Variants in DLGAP1 observed in about 807,000 individuals in gnomAD.
The protein encoded by DLGAP1 is DLG associated protein 1, also known as disks large-associated protein 1.
In DLGAP1, 11 loss-of-function variants were observed where a neutral mutation model predicts 90.8. The observed-to-expected ratio is 0.12, with a 90% CI of 0.08 to 0.20. The LOEUF (loss-of-function observed/expected upper bound fraction) is 0.20, where lower values mean the gene tolerates loss of function less well. Ranked by LOEUF, DLGAP1 falls within the 10% of genes least tolerant of loss-of-function variation. The probability of loss-of-function intolerance (pLI) is 1.00; values close to 1 mark genes in which losing one functional copy is unlikely to be tolerated. For synonymous variants in DLGAP1, 558 were observed against 540.7 expected, an observed-to-expected ratio of 1.03 and a Z score of -0.44; for missense variants, 1,050 against 1,333.8, an observed-to-expected ratio of 0.79 and a Z score of 3.31.
chr18:4,413,878 C>A (rs3850789), intron 1 of DLGAP1, among the ~76,000 whole-genome samples: 46,009 of 151,976 alleles, frequency 0.3, 7,247 homozygotes, highest in East Asian at 0.36. Context: ...TTTATATACT[C>A]TATACTTCAA....
intron 1 of DLGAP1, among the ~76,000 whole-genome samples, chr18:4,250,096 G>A (rs2078749555): frequency 6.6e-6 from 1 of 152,174 alleles, no homozygotes; most frequent in Non-Finnish European, 1.5e-5. Flanking sequence ...AGCAGATGCT[G>A]GAAGTTTGTT....
chr18:4,308,546 C>G (rs2080320205), intron 1 of DLGAP1, among the ~76,000 whole-genome samples: 1 of 152,168 alleles, frequency 6.6e-6, no homozygotes, highest in Non-Finnish European at 1.5e-5. Context: ...ATACGTATAA[C>G]TTTAAACATC....
chr18:4,288,643 C>G (rs2079766191), intron 1 of DLGAP1, among the ~76,000 whole-genome samples: 2 of 151,992 alleles, frequency 1.3e-5, no homozygotes, highest in African/African-American at 2.4e-5. Context: ...TGTTGCACAG[C>G]TCTCGCAGGG....
intron 3 of DLGAP1, among the ~76,000 whole-genome samples, chr18:3,912,450 G>C (rs1175681492): frequency 6.6e-6 from 1 of 152,178 alleles, no homozygotes; most frequent in Non-Finnish European, 1.5e-5. Flanking sequence ...AGCCTATTAT[G>C]AGATGGGAAC....
chr18:4,038,887 T>A (rs2074931182), intron 2 of DLGAP1, among the ~76,000 whole-genome samples: 1 of 152,086 alleles, frequency 6.6e-6, no homozygotes, highest in Non-Finnish European at 1.5e-5. Context: ...CTTAAAACCT[T>A]ACACATTTAT....
At chr18:4,395,891 G>C (rs939128311) in intron 1 of DLGAP1, among the ~76,000 whole-genome samples, 1 of 152,058 alleles carries the variant, frequency 6.6e-6, no homozygotes, top group Non-Finnish European at 1.5e-5. Flanking sequence ...CCACGATAAA[G>C]ACAAATTCAA....
At chr18:3,921,969 G>T (rs903651376) in intron 3 of DLGAP1, among the ~76,000 whole-genome samples, 1 of 152,088 alleles carries the variant, frequency 6.6e-6, no homozygotes, top group African/African-American at 2.4e-5. Flanking sequence ...GAAAATTATA[G>T]CATGAGAGCA....
At chr18:3,556,205 C>T (rs2053739902) in intron 9 of DLGAP1, among the ~76,000 whole-genome samples, 1 of 152,102 alleles carries the variant, frequency 6.6e-6, no homozygotes, top group African/African-American at 2.4e-5. Context: ...TCCCATACAC[C>T]CCTTCCCCCG....
At chr18:3,943,164 T>C (rs987662581) in intron 3 of DLGAP1, among the ~76,000 whole-genome samples, 1 of 152,182 alleles carries the variant, frequency 6.6e-6, no homozygotes, top group African/African-American at 2.4e-5. Flanking sequence ...TATCTTCAAC[T>C]TCACCTGCTC....
intron 6 of DLGAP1, among the ~76,000 whole-genome samples, chr18:3,741,200 A>C (rs1303044064): frequency 7.3e-4 from 31 of 42,424 alleles, no homozygotes; most frequent in East Asian, 1.6e-3. Context: ...ACCACCACCA[A>C]ATCACCACCA....
intron 7 of DLGAP1, among the ~76,000 whole-genome samples, chr18:3,701,517 T>C (rs2061279401): frequency 6.6e-6 from 1 of 152,220 alleles, no homozygotes; most frequent in South Asian, 2.1e-4. Flanking sequence ...GACCCATGCT[T>C]ATGTGATAAA....
chr18:4,344,362 T>C (rs2081263582), intron 1 of DLGAP1, among the ~76,000 whole-genome samples: 3 of 152,140 alleles, frequency 2.0e-5, no homozygotes, highest in Non-Finnish European at 4.4e-5. Flanking sequence ...AGATTTGAGA[T>C]GATAAAATTT....
intron 11 of DLGAP1, among the ~76,000 whole-genome samples, chr18:3,507,280 T>TTG (rs1402984890): frequency 6.6e-6 from 1 of 151,904 alleles, no homozygotes; most frequent in Non-Finnish European, 1.5e-5. Context: ...GGTCAGGAGT[T>TTG]TGAGACTATC....
At chr18:4,122,742 A>G (rs974336575) in intron 2 of DLGAP1, among the ~76,000 whole-genome samples, 1 of 152,154 alleles carries the variant, frequency 6.6e-6, no homozygotes, top group Non-Finnish European at 1.5e-5. Context: ...GACCATGGAG[A>G]CATCCTAAGG....
chr18:4,142,162 C>G (rs1281992927), intron 2 of DLGAP1, among the ~76,000 whole-genome samples: 3 of 152,100 alleles, frequency 2.0e-5, no homozygotes, highest in Non-Finnish European at 4.4e-5. Flanking sequence ...GACATTCTTA[C>G]CATTTAAACA....
intron 5 of DLGAP1, among the ~76,000 whole-genome samples, chr18:3,796,654 C>A (rs1417924148): frequency 6.6e-6 from 1 of 152,184 alleles, no homozygotes; most frequent in Non-Finnish European, 1.5e-5. Flanking sequence ...TCAGTAACAG[C>A]CGCTTAGCCA....
chr18:4,124,863 C>T lies in DLGAP1; in HGVS notation c.-159+26317G>A, dbSNP rs1350937958. On this transcript the variant is annotated intron_variant, in intron 2 of 12. Coordinates refer to ENST00000315677, the MANE Select transcript of DLGAP1 (RefSeq NM_004746.4). ...CCATGCATACATCCCAGGATTTTAG[C>T]CATTGTTACCAGCAGTAGAAACTTT... Among the ~76,000 whole-genome samples, 4 of 152,128 alleles carry T rather than the reference C, an allele frequency of 2.6e-5. No homozygotes were observed. In the East Asian group the frequency reaches 7.7e-4, roughly 29 times the overall value.
At position 4,188,332 on chromosome 18, in the gene DLGAP1, C is replaced by T. The variant is rs559911186; in HGVS notation, c.-266-37045G>A. On this transcript the variant is annotated intron_variant, in intron 1 of 12. Coordinates refer to ENST00000315677, the MANE Select transcript of DLGAP1 (RefSeq NM_004746.4). ...ATTTTTTAAAATTTATTTTAAGTTCCGGGATACATGTGCAGAATGTGCAGG... is the reference window on the plus strand; with the variant it reads ...ATTTTTTAAAATTTATTTTAAGTTCTGGGATACATGTGCAGAATGTGCAGG... Among the ~76,000 whole-genome samples the T allele has an allele frequency of 1.9e-4, 29 of 151,946 alleles. No homozygotes were observed. In the East Asian group the frequency reaches 4.5e-3, roughly 23 times the overall value.
chr18:3,712,981 C>G (rs906960101), intron 7 of DLGAP1, among the ~76,000 whole-genome samples: 1 of 152,160 alleles, frequency 6.6e-6, no homozygotes, highest in Non-Finnish European at 1.5e-5. Flanking sequence ...GGGCAGGACA[C>G]AGTGAATATT....
Sources: allele counts gnomAD v4.1 joint callset (sites outside exome capture counted in the v4.1 genomes callset), GRCh38; gene constraint gnomAD v4.1.1; transcripts MANE v1.5; gene names NCBI Gene and HGNC (gene_info 2026-07-23, HGNC 2026-07-21).